PRDM5: variants seen among roughly 807,000 people sequenced by gnomAD.
PRDM5 encodes PR domain zinc finger protein 5.
A neutral mutation model predicts 81.2 loss-of-function variants in PRDM5; 56 were observed. The observed-to-expected ratio is 0.69, with a 90% CI of 0.56 to 0.86. The LOEUF (loss-of-function observed/expected upper bound fraction) is 0.86, where lower values mean the gene tolerates loss of function less well. Ranked by LOEUF, PRDM5 falls within the 40% of genes least tolerant of loss-of-function variation. The pLI is 0.00. For missense variants in PRDM5, 697 were observed against 770.1 expected, an observed-to-expected ratio of 0.91 and a Z score of 1.12; for synonymous variants, 267 against 256.4, an observed-to-expected ratio of 1.04 and a Z score of -0.39.
chr4:120,760,083 A>G (rs1216131724), intron 13 of PRDM5, among the ~76,000 whole-genome samples: 26 of 152,246 alleles, frequency 1.7e-4, no homozygotes, highest in Admixed American at 1.7e-3. Flanking sequence ...CTTCTCATAT[A>G]GTGGAGGCCG....
At chr4:120,778,955 C>T (rs925065791) in intron 12 of PRDM5, among the ~76,000 whole-genome samples, 2 of 152,080 alleles carry the variant, frequency 1.3e-5, no homozygotes, top group Non-Finnish European at 2.9e-5. Flanking sequence ...ATTTGTGTTT[C>T]ATTATTGTTT....
intron 3 of PRDM5, chr4:120,837,656 T>C (rs1358707049): frequency 6.6e-6 from 1 of 152,222 alleles, no homozygotes; most frequent in Non-Finnish European, 1.5e-5. Context: ...ACAAGCTACA[T>C]AGATGCATGC....
intron 3 of PRDM5, among the ~76,000 whole-genome samples, chr4:120,834,448 G>A (rs570639493): frequency 2.0e-4 from 30 of 152,154 alleles, no homozygotes; most frequent in Non-Finnish European, 3.4e-4. Flanking sequence ...GCAGGCCCTC[G>A]TCAGACAACT....
intron 2 of PRDM5, chr4:120,896,380 A>C (rs1764613988): frequency 6.6e-6 from 1 of 152,180 alleles, no homozygotes; most frequent in Non-Finnish European, 1.5e-5. Flanking sequence ...GCAAAATAAA[A>C]ATCTATTCTA....
intron 3 of PRDM5, among the ~76,000 whole-genome samples, chr4:120,834,447 C>A (rs184354593): frequency 5.9e-5 from 9 of 152,088 alleles, no homozygotes; most frequent in African/African-American, 1.7e-4. Flanking sequence ...AGCAGGCCCT[C>A]GTCAGACAAC....
chr4:120,817,296 A>C (rs1399182259), intron 5 of PRDM5, among the ~76,000 whole-genome samples: 2 of 152,154 alleles, frequency 1.3e-5, no homozygotes, highest in African/African-American at 4.8e-5. Context: ...TTTTCATCTC[A>C]ATTTTTATAA....
intron 3 of PRDM5, among the ~76,000 whole-genome samples, chr4:120,843,355 A>T (rs758411618): frequency 6.6e-6 from 1 of 151,720 alleles, no homozygotes; most frequent in African/African-American, 2.4e-5. Flanking sequence ...TTAATTAATT[A>T]ATTTAATTTA....
At chr4:120,793,238 C>T (rs1394110846) in intron 10 of PRDM5, among the ~76,000 whole-genome samples, 1 of 152,066 alleles carries the variant, frequency 6.6e-6, no homozygotes, top group African/African-American at 2.4e-5. Context: ...CTATTGTGAA[C>T]TGCACACACA....
intron 2 of PRDM5, among the ~76,000 whole-genome samples, chr4:120,860,739 T>C (rs1044859790): frequency 1.3e-5 from 2 of 152,236 alleles, no homozygotes; most frequent in Non-Finnish European, 2.9e-5. Context: ...CTTAGCTACT[T>C]AGTGGCTTAT....
intron 2 of PRDM5, among the ~76,000 whole-genome samples, chr4:120,890,857 A>T (rs1763971335): frequency 6.6e-6 from 1 of 152,192 alleles, no homozygotes. Context: ...AGTACCTTAT[A>T]CATTCTGGAT....
intron 3 of PRDM5, among the ~76,000 whole-genome samples, chr4:120,834,967 T>C (rs1364911249): frequency 6.6e-6 from 1 of 152,222 alleles, no homozygotes; most frequent in Middle Eastern, 3.2e-3. Context: ...TCCCAGTTCT[T>C]CTTCCTGACT....
At chr4:120,699,165 T>TAA (rs1426312649) in intron 15 of PRDM5, among the ~76,000 whole-genome samples, 498 of 26,718 alleles carry the variant, frequency 0.019, 2 homozygotes, top group East Asian at 0.056. Context: ...AATATAAATA[T>TAA]ATATATATAT....
intron 15 of PRDM5, among the ~76,000 whole-genome samples, chr4:120,703,809 G>T (rs1735725414): frequency 6.6e-6 from 1 of 152,080 alleles, no homozygotes; most frequent in African/African-American, 2.4e-5. Context: ...CAGACAGTCT[G>T]GGTTCAGAGT....
rs114631336 is a variant in PRDM5, at chr4:120,831,152, C to T, written c.301-9807G>A. Among the ~76,000 whole-genome samples, 1,297 of 152,076 alleles carry T rather than the reference C, an allele frequency of 8.5e-3. 22 individuals carry two copies. Among genetic ancestry groups the T allele is most frequent in the African/African-American group, 0.03 (1,241 of 41,482 alleles). On this transcript the variant is annotated intron_variant, in intron 3 of 15. Coordinates refer to ENST00000264808, the MANE Select transcript of PRDM5 (RefSeq NM_018699.4). ...CATGAAAGTGTTGAATCAGATAGTGCTGTGGAGGAGAGGGCAGCCGTTTTA... is the reference window on the plus strand; with the variant it reads ...CATGAAAGTGTTGAATCAGATAGTGTTGTGGAGGAGAGGGCAGCCGTTTTA...
intron 8 of PRDM5, among the ~76,000 whole-genome samples, chr4:120,810,804 C>A (rs191142980): frequency 2.0e-4 from 31 of 152,196 alleles, no homozygotes; most frequent in South Asian, 8.3e-4. Context: ...ATCAAAATCA[C>A]TAAACATACA....
intron 3 of PRDM5, among the ~76,000 whole-genome samples, chr4:120,848,814 AATTGCATTTTTACTTTAGTTT>A (rs1472176122): frequency 3.9e-5 from 6 of 152,206 alleles, no homozygotes; most frequent in Non-Finnish European, 7.4e-5. Context: ...TCACGGGACC[AATTGCATTTTTACTTTAGTTT>A]AAAATGTTAC....
At chr4:120,888,917 G>A (rs1763754992) in intron 2 of PRDM5, among the ~76,000 whole-genome samples, 1 of 151,912 alleles carries the variant, frequency 6.6e-6, no homozygotes, top group South Asian at 2.1e-4. Flanking sequence ...CAAGTATTTT[G>A]CCCATTTTTC....
rs924593194 is a variant in PRDM5, at chr4:120,922,699, G to T, written c.-91C>A. 1 of 1,494,276 alleles carries T rather than the reference G, an allele frequency of 6.7e-7. No individual in the cohort carries two copies. The highest frequency in any genetic ancestry group is 9.1e-7 in the Non-Finnish European group (1 of 1,098,870). The allele number at this position is 1,494,276 out of a possible 1,614,324, so 92.6% of individuals were successfully genotyped here. On this transcript the variant is annotated 5_prime_UTR_variant, in exon 1 of 16. Transcript: ENST00000264808. The stretch of plus-strand genomic sequence containing the variant: ...CGAAATTTGGGGTGCCAGGGTAGAG[G>T]GGAGAAACCGGCAGGGAAGGAGGAA...
Position 120,784,863 on chromosome 4 carries a change from G to A in PRDM5, c.1282+135C>T, listed in dbSNP as rs114415063. 7.1e-3 allele frequency: 3,953 copies of A among 556,120 alleles called. 31 individuals are homozygous for A. Among genetic ancestry groups the A allele is most frequent in the African/African-American group, 0.025 (1,325 of 52,970 alleles). 34.4% of individuals were successfully genotyped at this position (556,120 alleles called of 1,614,324 possible). ...AAAAAAAGTGAAAGGCAGAATTTTCGGTCTTTCTTATGTTTACAGTCAGAT... is the reference window on the plus strand; with the variant it reads ...AAAAAAAGTGAAAGGCAGAATTTTCAGTCTTTCTTATGTTTACAGTCAGAT... On this transcript the variant is annotated intron_variant, in intron 11 of 15. Coordinates refer to ENST00000264808, the MANE Select transcript of PRDM5 (RefSeq NM_018699.4).
Sources: allele counts gnomAD v4.1 joint callset (sites outside exome capture counted in the v4.1 genomes callset), GRCh38; gene constraint gnomAD v4.1.1; transcripts MANE v1.5; gene names NCBI Gene and HGNC (gene_info 2026-07-23, HGNC 2026-07-21).